Variants in MRPS27 observed in about 807,000 individuals in gnomAD.
The protein encoded by MRPS27 is small ribosomal subunit protein mS27.
In MRPS27, 43 loss-of-function variants were observed where a neutral mutation model predicts 48.9. That is an observed-to-expected ratio of 0.88 (90% CI 0.69 to 1.13). The LOEUF is 1.13. Ranked by LOEUF, MRPS27 falls within the 50% of genes most tolerant of loss-of-function variation. MRPS27 has a pLI of 0.00. For missense variants in MRPS27, 467 were observed against 476.3 expected (o/e 0.98, Z 0.18); for synonymous variants, 188 against 171.9 (o/e 1.09, Z -0.73).
chr5:72,251,755 G>C (rs767446484), intron 4 of MRPS27, among the ~76,000 whole-genome samples: 5 of 152,226 alleles, frequency 3.3e-5, no homozygotes, highest in Non-Finnish European at 5.9e-5. Context: ...GAGCTCAGAA[G>C]AAGAAAGTAG....
intron 5 of MRPS27, among the ~76,000 whole-genome samples, chr5:72,236,813 T>C (rs1313756154): frequency 2.0e-5 from 3 of 152,186 alleles, no homozygotes; most frequent in African/African-American, 7.2e-5. Context: ...ATGCATCTTT[T>C]GGTGACCATC....
At chr5:72,225,922 T>G (rs1747881706) in intron 9 of MRPS27, 135 bp downstream of exon 9, 1 of 1,014,710 alleles carries the variant, frequency 9.9e-7, no homozygotes, top group African/African-American at 1.6e-5. Context: ...TTTTGCATTT[T>G]TTCGACTTGA....
intron 4 of MRPS27, among the ~76,000 whole-genome samples, chr5:72,264,243 A>G (rs1229843538): frequency 1.3e-5 from 2 of 152,206 alleles, no homozygotes; most frequent in Non-Finnish European, 2.9e-5. Flanking sequence ...GAAGCAGGTA[A>G]TGAAGAATAA....
intron 5 of MRPS27, 102 bp downstream of exon 5, chr5:72,237,912 T>A (rs1420413885): frequency 1.3e-6 from 1 of 756,862 alleles, no homozygotes; most frequent in Non-Finnish European, 2.2e-6. Context: ...AATAATTTTT[T>A]AAAGTTATTT....
chr5:72,295,983 A>G (rs968543195), intron 3 of MRPS27, among the ~76,000 whole-genome samples: 1 of 152,178 alleles, frequency 6.6e-6, no homozygotes, highest in Non-Finnish European at 1.5e-5. Context: ...AAAAATGAAG[A>G]CTCTGATGGC....
intron 8 of MRPS27, chr5:72,227,102 T>A (rs1463874184): frequency 6.6e-6 from 1 of 152,304 alleles, no homozygotes; most frequent in African/African-American, 2.4e-5. Flanking sequence ...GCTGCTTCCA[T>A]CAGGGCTGAG....
At chr5:72,289,466 C>T (rs754414460) in intron 4 of MRPS27, among the ~76,000 whole-genome samples, 7 of 151,548 alleles carry the variant, frequency 4.6e-5, no homozygotes, top group Non-Finnish European at 8.8e-5. Flanking sequence ...CTGTCACCTA[C>T]GCTGGAGTAC....
In MRPS27 at chr5:72,312,621, A is replaced by ATT. The variant is rs1053626658; in HGVS notation, c.151+1458_151+1459dup. Among the ~76,000 whole-genome samples the ATT allele has an allele frequency of 3.0e-3, 421 of 138,212 alleles. 4 individuals carry two copies. The highest frequency in any genetic ancestry group is 7.0e-3 in the Admixed American group (96 of 13,768). 90.7% of individuals were successfully genotyped at this position (138,212 alleles called of 152,430 possible). A position where few individuals can be genotyped will look rare whatever the true frequency, so the allele number is the denominator to read the frequency against. The stretch of plus-strand genomic sequence containing the variant: ...GTATCGTGGCGAAGGAATCATACTG[A>ATT]TTTTTTTTTTTTTTTTTGAGATGGA... On this transcript the variant is annotated intron_variant, in intron 2 of 10. Transcript: ENST00000261413.
intron 4 of MRPS27, among the ~76,000 whole-genome samples, chr5:72,247,505 C>T (rs1748539140): frequency 6.6e-6 from 1 of 152,150 alleles, no homozygotes; most frequent in Non-Finnish European, 1.5e-5. Context: ...CCACTTTGGG[C>T]AGGCAACAGA....
intron 9 of MRPS27, 29 bp from the exon 10 acceptor site, chr5:72,223,879 A>C (rs779088732): frequency 8.7e-6 from 14 of 1,606,862 alleles, no homozygotes; most frequent in Non-Finnish European, 1.1e-5. Flanking sequence ...GTCAGCAACC[A>C]AATGTTTTAT....
intron 7 of MRPS27, 62 bp from the exon 8 acceptor site, chr5:72,228,430 G>A: frequency 1.9e-6 from 2 of 1,075,152 alleles, no homozygotes; most frequent in South Asian, 3.0e-5. Context: ...ACAAAAATGT[G>A]ACTTTCAATG....
intron 1 of MRPS27, among the ~76,000 whole-genome samples, chr5:72,318,687 G>A (rs148948922): frequency 1.3e-5 from 2 of 152,220 alleles, no homozygotes; most frequent in East Asian, 3.9e-4. Flanking sequence ...TCAGCTACTC[G>A]GGAGGCTGAG....
chr5:72,285,216 C>T (rs1749641181), intron 4 of MRPS27, among the ~76,000 whole-genome samples: 1 of 152,168 alleles, frequency 6.6e-6, no homozygotes, highest in Non-Finnish European at 1.5e-5. Context: ...TTCCATAAAG[C>T]TAGTTCTCAC....
At chr5:72,298,784 G>A (rs1485886410) in intron 2 of MRPS27, among the ~76,000 whole-genome samples, 4 of 148,104 alleles carry the variant, frequency 2.7e-5, no homozygotes, top group Admixed American at 1.3e-4. Flanking sequence ...GGTACATACC[G>A]AAAATAAAAT....
intron 4 of MRPS27, among the ~76,000 whole-genome samples, chr5:72,238,383 A>T (rs1469702823): frequency 6.6e-6 from 1 of 152,220 alleles, no homozygotes; most frequent in African/African-American, 2.4e-5. Flanking sequence ...TCAACAGTTC[A>T]TTTTAATAGA....
chr5:72,289,062 C>A (rs1489401257), intron 4 of MRPS27, among the ~76,000 whole-genome samples: 1 of 152,192 alleles, frequency 6.6e-6, no homozygotes, highest in African/African-American at 2.4e-5. Context: ...AGGCTGGCTG[C>A]CAACCCAGGA....
At chr5:72,259,405 T>C (rs564130610) in intron 4 of MRPS27, among the ~76,000 whole-genome samples, 10 of 150,772 alleles carry the variant, frequency 6.6e-5, no homozygotes, top group African/African-American at 2.2e-4. Context: ...GAAGCAGAGG[T>C]TGCAGTGAGC....
intron 4 of MRPS27, among the ~76,000 whole-genome samples, chr5:72,251,630 G>A (rs1007717229): frequency 6.6e-6 from 1 of 152,204 alleles, no homozygotes; most frequent in African/African-American, 2.4e-5. Context: ...GTGCCCACTA[G>A]CCTCTGGTTG....
rs532627247 is a variant in MRPS27 at position 72,286,888 on chromosome 5, A to G, written c.281+8643T>C. On this transcript the variant is annotated intron_variant, in intron 4 of 10. Transcript: ENST00000261413. ...CCTAATTATAAAACCTAAAACTACA[A>G]AACTTCTAAAACAAAATCTAGAAGA... Among the ~76,000 whole-genome samples the G allele has an allele frequency of 2.0e-5, 3 of 152,296 alleles. No homozygotes were observed. In the East Asian group the frequency reaches 5.8e-4, roughly 29 times the overall value.
Sources: allele counts gnomAD v4.1 joint callset (sites outside exome capture counted in the v4.1 genomes callset), GRCh38; gene constraint gnomAD v4.1.1; transcripts MANE v1.5; gene names NCBI Gene and HGNC (gene_info 2026-07-23, HGNC 2026-07-21).